The following PCBP3 variants were observed in gnomAD, a reference collection of about 807,000 sequenced individuals.
PCBP3 encodes the protein poly(rC)-binding protein 3.
In PCBP3, 25 loss-of-function variants were observed where a neutral mutation model predicts 52.7. The ratio of observed to expected loss-of-function variants is 0.47; its 90% CI spans 0.35 to 0.66. The LOEUF is 0.66. Ranked by LOEUF, PCBP3 falls within the 30% of genes least tolerant of loss-of-function variation. PCBP3 has a pLI of 0.01. For missense variants in PCBP3, 391 were observed against 490.3 expected, an observed-to-expected ratio of 0.80 and a Z score of 1.91; for synonymous variants, 162 against 183.0, an observed-to-expected ratio of 0.89 and a Z score of 0.93.
intron 2 of PCBP3, among the ~76,000 whole-genome samples, chr21:45,718,570 C>T (rs926250817): frequency 3.3e-5 from 5 of 151,920 alleles, no homozygotes; most frequent in Non-Finnish European, 2.9e-5. Flanking sequence ...GGATGCAGCT[C>T]GGGGGAAGGG....
At chr21:45,877,608 C>T (rs544806727) in intron 5 of PCBP3, among the ~76,000 whole-genome samples, 3 of 152,170 alleles carry the variant, frequency 2.0e-5, no homozygotes, top group African/African-American at 4.8e-5. Flanking sequence ...GTTTGAGACC[C>T]GCCTGGCCAA....
At chr21:45,745,753 G>T (rs966079826) in intron 3 of PCBP3, among the ~76,000 whole-genome samples, 5 of 152,248 alleles carry the variant, frequency 3.3e-5, no homozygotes, top group African/African-American at 1.2e-4. Context: ...AAGAGCTTCT[G>T]CCTCCATAGG....
At chr21:45,933,234 A>G (rs2076512484) in intron 15 of PCBP3, among the ~76,000 whole-genome samples, 1 of 152,094 alleles carries the variant, frequency 6.6e-6, no homozygotes, top group Admixed American at 6.5e-5. Flanking sequence ...CACCTGGGCC[A>G]TGCTGTCTTG....
chr21:45,786,503 C>G (rs1400851562), intron 4 of PCBP3, among the ~76,000 whole-genome samples: 2 of 152,136 alleles, frequency 1.3e-5, no homozygotes, highest in Non-Finnish European at 2.9e-5. Context: ...GTTTCCCAGG[C>G]TGGTCTCGAA....
intron 4 of PCBP3, among the ~76,000 whole-genome samples, chr21:45,785,509 G>GT (rs577502827): frequency 8.3e-6 from 1 of 121,050 alleles, no homozygotes; most frequent in East Asian, 2.6e-4. Flanking sequence ...GTCCGGGAGG[G>GT]GGGGGGGTCA....
At chr21:45,894,861 C>G (rs1295589897) in intron 5 of PCBP3, among the ~76,000 whole-genome samples, 2 of 152,236 alleles carry the variant, frequency 1.3e-5, no homozygotes, top group Non-Finnish European at 2.9e-5. Flanking sequence ...CGTGAAAATC[C>G]TTGTCCTTCA....
intron 5 of PCBP3, among the ~76,000 whole-genome samples, chr21:45,887,658 C>T (rs569190167): frequency 1.3e-5 from 2 of 152,350 alleles, no homozygotes; most frequent in East Asian, 3.9e-4. Flanking sequence ...AACAGCGTCG[C>T]CATTCCGGGC....
chr21:45,691,516 GATGAATTTGATTGTACATAAATTAA>G (rs954197447), intron 2 of PCBP3, among the ~76,000 whole-genome samples: 1 of 149,640 alleles, frequency 6.7e-6, no homozygotes, highest in Non-Finnish European at 1.5e-5. Flanking sequence ...ACCTCAAATA[GATGAATTTGATTGTACATAAATTAA>G]ACAGAGAGAG....
intron 1 of PCBP3, among the ~76,000 whole-genome samples, chr21:45,651,534 G>A (rs2079684200): frequency 6.6e-6 from 1 of 151,944 alleles, no homozygotes; most frequent in South Asian, 2.1e-4. Context: ...CCTTTTACTA[G>A]ATCATGAGCA....
intron 11 of PCBP3, chr21:45,911,296 C>A (rs1275938548): frequency 4.2e-6 from 2 of 474,326 alleles, no homozygotes; most frequent in Non-Finnish European, 7.8e-6. Flanking sequence ...CTCTCATCTT[C>A]GGATTTGGGT....
chr21:45,726,025 G>C (rs1210958572), intron 2 of PCBP3, among the ~76,000 whole-genome samples: 3 of 152,148 alleles, frequency 2.0e-5, no homozygotes, highest in Non-Finnish European at 4.4e-5. Flanking sequence ...GAAGGCACTG[G>C]GGTGCAGGTT....
chr21:45,723,967 G>A (rs1472321564), intron 2 of PCBP3, among the ~76,000 whole-genome samples: 4 of 151,946 alleles, frequency 2.6e-5, no homozygotes, highest in African/African-American at 7.3e-5. Flanking sequence ...TTCCTTGCCC[G>A]TCCTCCTCCA....
At chr21:45,723,236 G>A (rs1015978073) in intron 2 of PCBP3, among the ~76,000 whole-genome samples, 3 of 152,184 alleles carry the variant, frequency 2.0e-5, no homozygotes, top group Non-Finnish European at 4.4e-5. Context: ...ATGGCCTGCC[G>A]TCTGCGGCCT....
intron 5 of PCBP3, chr21:45,871,337 C>G (rs983102902): frequency 6.1e-6 from 1 of 165,030 alleles, no homozygotes; most frequent in Non-Finnish European, 1.3e-5. Flanking sequence ...CCCAGGAAGG[C>G]CATGCAGCCC....
At chr21:45,845,060 T>G (rs2093779659) in intron 4 of PCBP3, among the ~76,000 whole-genome samples, 1 of 152,152 alleles carries the variant, frequency 6.6e-6, no homozygotes, top group Non-Finnish European at 1.5e-5. Flanking sequence ...TCTTCTAAAC[T>G]GTTCTCCCTA....
At position 45,892,355 on chromosome 21, in the gene PCBP3, G is replaced by A. The variant is rs374656083; in HGVS notation, c.11-3853G>A. 9.2e-5 allele frequency among the ~76,000 whole-genome samples: 14 copies of A among 151,970 alleles called. No homozygotes were observed. The East Asian group carries it at 9.6e-4, about 10-fold the overall frequency. ...CAGGAGGTTTCTGCCCCTGGCATTGGTTAATTCCCTCCAGTCATCGTGCAG... is the reference window on the plus strand; with the variant it reads ...CAGGAGGTTTCTGCCCCTGGCATTGATTAATTCCCTCCAGTCATCGTGCAG... On this transcript the variant is annotated intron_variant, in intron 5 of 17. Transcript: ENST00000681687.
intron 5 of PCBP3, among the ~76,000 whole-genome samples, chr21:45,889,084 C>T (rs1423289488): frequency 1.3e-5 from 2 of 152,222 alleles, no homozygotes; most frequent in East Asian, 1.9e-4. Context: ...CGTTCTGGCC[C>T]GTGCACTGTT....
chr21:45,650,489 C>T (rs767882399), intron 1 of PCBP3, among the ~76,000 whole-genome samples: 5 of 152,124 alleles, frequency 3.3e-5, no homozygotes, highest in Non-Finnish European at 5.9e-5. Flanking sequence ...CTCTCTCTGT[C>T]ACCCAGGCTA....
At chr21:45,703,276 A>G (rs544625444) in intron 2 of PCBP3, among the ~76,000 whole-genome samples, 3 of 152,326 alleles carry the variant, frequency 2.0e-5, no homozygotes, top group East Asian at 1.9e-4. Flanking sequence ...AAGGTTTTCA[A>G]TTTACTTTGC....
Sources: allele counts gnomAD v4.1 joint callset (sites outside exome capture counted in the v4.1 genomes callset), GRCh38; gene constraint gnomAD v4.1.1; transcripts MANE v1.5; gene names NCBI Gene and HGNC (gene_info 2026-07-23, HGNC 2026-07-21).